TRIM36: variants seen among roughly 807,000 people sequenced by gnomAD.
TRIM36 encodes the protein E3 ubiquitin-protein ligase TRIM36.
A neutral mutation model predicts 72.4 loss-of-function variants in TRIM36; 42 were observed. The ratio of observed to expected loss-of-function variants is 0.58; its 90% confidence interval spans 0.45 to 0.75. TRIM36 has a LOEUF of 0.75. TRIM36 is among the 30% of genes least tolerant of loss of function. TRIM36 has a pLI of 0.00. For missense variants in TRIM36, 913 were observed against 857.1 expected (o/e 1.07, Z -0.81); for synonymous variants, 315 against 282.8 (o/e 1.11, Z -1.14).
At chr5:115,143,138 C>A (rs1368050623) in intron 4 of TRIM36, among the ~76,000 whole-genome samples, 2 of 134,128 alleles carry the variant, frequency 1.5e-5, no homozygotes, top group African/African-American at 5.7e-5. Context: ...CAAGCCCAGG[C>A]AAAGAATCAC....
At chr5:115,177,455 C>A in intron 1 of TRIM36, 1 of 1,057,492 alleles carries the variant, frequency 9.5e-7, no homozygotes. Context: ...ACCAGTTTCC[C>A]ATTATTCTTT....
chr5:115,133,414 C>A (rs544091404), intron 8 of TRIM36, among the ~76,000 whole-genome samples: 24 of 151,864 alleles, frequency 1.6e-4, no homozygotes, highest in African/African-American at 5.3e-4. Context: ...TGAGAAGTGC[C>A]TAGTTAGATA....
chr5:115,180,015 C>T (rs1755546674), exon 1 of TRIM36: 1 of 1,614,162 alleles, frequency 6.2e-7, no homozygotes, highest in Non-Finnish European at 8.5e-7. Context: ...GCCAAATTCA[C>T]TCATCTCCCC....
Position 115,133,859 on chromosome 5 carries a change from C to T in TRIM36, c.1498+1G>A. On this transcript the variant is annotated splice_donor_variant, in intron 8 of 9. Transcript: ENST00000513154. LOFTEE classifies it high-confidence loss of function. ...TTTTTTATTCCTGATATTCACCATA[C>T]CTGGAGCTGGAGGAGTATGAAGAAT... 6.3e-7 allele frequency: 1 copy of T among 1,579,106 alleles called. No homozygotes were observed. Among genetic ancestry groups the T allele is most frequent in the Non-Finnish European group, 8.6e-7 (1 of 1,165,010 alleles).
intron 2 of TRIM36, among the ~76,000 whole-genome samples, chr5:115,160,184 C>T (rs1282919200): frequency 6.6e-6 from 1 of 151,892 alleles, no homozygotes; most frequent in Non-Finnish European, 1.5e-5. Context: ...ACAAATCTTA[C>T]TCTCCTTTCA....
chr5:115,144,384 A>G (rs1753459187), intron 4 of TRIM36, among the ~76,000 whole-genome samples: 1 of 152,168 alleles, frequency 6.6e-6, no homozygotes, highest in African/African-American at 2.4e-5. Context: ...CTAATACAAC[A>G]TAGGTGTCAA....
In TRIM36 at chr5:115,169,827, G is replaced by A. The variant is rs1173062424; in HGVS notation, c.-193C>T. On this transcript the variant is annotated 5_prime_UTR_variant, in exon 1 of 10. Transcript: ENST00000513154. ...CCGGGGCAGGCAAAAGCACAGGCGC[G>A]GGAGAAGCGAGCTTTGCTCCCAGCG... 7.6e-6 allele frequency: 10 copies of A among 1,323,872 alleles called. No homozygotes were observed. In the Admixed American group the frequency reaches 1.1e-4, roughly 14 times the overall value. The allele number at this position is 1,323,872 out of a possible 1,614,324, so 82.0% of individuals were successfully genotyped here.
At chr5:115,180,047 C>G (rs371311743) in exon 1 of TRIM36, 1 of 1,612,972 alleles carries the variant, frequency 6.2e-7, no homozygotes, top group East Asian at 2.2e-5. Context: ...TGTTTACACC[C>G]CTTCACAAAC....
Position 115,144,656 on chromosome 5 carries a change from C to T in TRIM36, c.677G>A (p.Gly226Asp), listed in dbSNP as rs201642102. The T allele has an allele frequency of 5.0e-6, 8 of 1,614,110 alleles. No homozygotes were observed. In the East Asian group the frequency reaches 1.8e-4, roughly 36 times the overall value. The change falls in exon 4 of 10, where the codon GGT becomes GAT. Residue 226 changes from glycine to aspartate, a missense_variant. By Grantham distance (94) the Gly-to-Asp change is moderately conservative. Coordinates refer to ENST00000513154, the MANE Select transcript of TRIM36 (RefSeq NM_001300759.2). ...RRPVCHLCKLGGNHANHRVTT... is the reference protein window; with the variant it reads ...RRPVCHLCKLDGNHANHRVTT... ...TACACGGTGGTTGGCATGATTACCA[C>T]CCAACTTACACAGATGGCAAACTGG...
chr5:115,137,046 G>C lies in TRIM36; in HGVS notation c.1164C>G (p.Thr388=), dbSNP rs780521230. 2 of 1,610,876 alleles carry C rather than the reference G, an allele frequency of 1.2e-6. No homozygotes were observed. The highest frequency in any genetic ancestry group is 1.7e-5 in the Admixed American group (1 of 59,550). The change falls in exon 7 of 10, where the codon ACC becomes ACG. Residue 388 remains threonine (T), a synonymous_variant. Coordinates refer to ENST00000513154, the MANE Select transcript of TRIM36 (RefSeq NM_001300759.2). ...QTSFEDYVVN[T]SKQTELLGEL... is the part of the protein sequence containing the mutation. ...CTCCAAGAAGTTCTGTTTGTTTAGA[G>C]GTATTAACAACATAGTCTTCAAAAG...
intron 1 of TRIM36, among the ~76,000 whole-genome samples, chr5:115,178,316 G>A (rs1225847974): frequency 2.6e-5 from 4 of 152,136 alleles, no homozygotes; most frequent in African/African-American, 9.7e-5. Flanking sequence ...TCAACCAAAG[G>A]CATTCTTTTT....
In TRIM36 at chr5:115,126,291, G is replaced by C. The variant is rs1752354852; in HGVS notation, c.*212C>G. The C allele has an allele frequency of 1.9e-6, 1 of 525,434 alleles. No individual in the cohort carries two copies. The highest frequency in any genetic ancestry group is 3.4e-6 in the Non-Finnish European group (1 of 298,492). The allele number at this position is 525,434 out of a possible 1,614,324, so 32.5% of individuals were successfully genotyped here. A position where few individuals can be genotyped will look rare whatever the true frequency, so the allele number is the denominator to read the frequency against. On this transcript the variant is annotated 3_prime_UTR_variant, in exon 10 of 10. Coordinates refer to ENST00000513154, the MANE Select transcript of TRIM36 (RefSeq NM_001300759.2). ...AAGTTAACCACTTCAGTATTAACTT[G>C]GAAAGAACATCTTCACTTTCATCAT...
At chr5:115,130,164 C>T (rs192018268) in intron 9 of TRIM36, among the ~76,000 whole-genome samples, 2 of 152,184 alleles carry the variant, frequency 1.3e-5, no homozygotes, top group East Asian at 1.9e-4. Context: ...GTCTTTGCTG[C>T]GGAAATATGT....
chr5:115,157,452 T>C (rs1413712514), intron 2 of TRIM36, among the ~76,000 whole-genome samples: 1 of 152,012 alleles, frequency 6.6e-6, no homozygotes, highest in Non-Finnish European at 1.5e-5. Context: ...TAATCCCAGC[T>C]ACTTAGGGGG....
intron 2 of TRIM36, among the ~76,000 whole-genome samples, chr5:115,157,635 G>T (rs1461631537): frequency 2.0e-5 from 3 of 152,054 alleles, no homozygotes; most frequent in Non-Finnish European, 4.4e-5. Flanking sequence ...CTACCCAGAG[G>T]AAAAGCAGTC....
chr5:115,139,752 T>A (rs372560727), intron 5 of TRIM36, among the ~76,000 whole-genome samples: 1 of 152,248 alleles, frequency 6.6e-6, no homozygotes, highest in Non-Finnish European at 1.5e-5. Flanking sequence ...AAAATTCTTA[T>A]TGATAAGGCT....
At chr5:115,148,557 C>T (rs1753719046) in intron 2 of TRIM36, among the ~76,000 whole-genome samples, 1 of 151,382 alleles carries the variant, frequency 6.6e-6, no homozygotes, top group Admixed American at 6.6e-5. Context: ...ATTACAGGCG[C>T]CCACCACCAC....
At chr5:115,133,823 A>C (rs758241679) in intron 8 of TRIM36, 37 bp downstream of exon 8, 7 of 1,528,892 alleles carry the variant, frequency 4.6e-6, no homozygotes, top group Non-Finnish European at 6.1e-6. Flanking sequence ...TCTTGCAACT[A>C]ACTCTATGCT....
At chr5:115,157,250 T>C (rs895829286) in intron 2 of TRIM36, among the ~76,000 whole-genome samples, 1 of 149,994 alleles carries the variant, frequency 6.7e-6, no homozygotes, top group East Asian at 2.0e-4. Context: ...CAGAAAAGAG[T>C]GTGGAGATTC....
Sources: allele counts gnomAD v4.1 joint callset (sites outside exome capture counted in the v4.1 genomes callset), GRCh38; gene constraint gnomAD v4.1.1; transcripts MANE v1.5; gene names NCBI Gene and HGNC (gene_info 2026-07-23, HGNC 2026-07-21).